Variants in EYA3 observed in about 807,000 individuals in gnomAD.
The protein encoded by EYA3 is protein phosphatase EYA3.
A neutral mutation model predicts 80.0 loss-of-function variants in EYA3; 39 were observed. The observed-to-expected ratio is 0.49, with a 90% CI of 0.38 to 0.64. The LOEUF is 0.64. Ranked by LOEUF, EYA3 falls within the 30% of genes least tolerant of loss-of-function variation. EYA3 has a pLI of 0.00. For synonymous variants in EYA3, 206 were observed against 232.8 expected, an observed-to-expected ratio of 0.88 and a Z score of 1.05; for missense variants, 523 against 676.1, an observed-to-expected ratio of 0.77 and a Z score of 2.51.
intron 1 of EYA3, among the ~76,000 whole-genome samples, chr1:28,081,785 A>T (rs58192207): frequency 0.068 from 10,371 of 152,236 alleles, 624 homozygotes; most frequent in East Asian, 0.25. Context: ...ATTCTAATGT[A>T]TTCCCGTAGT....
chr1:28,071,754 A>G (rs1193739231), intron 1 of EYA3, among the ~76,000 whole-genome samples: 47 of 152,168 alleles, frequency 3.1e-4, no homozygotes, highest in Admixed American at 3.1e-3. Context: ...AAGAAATCAT[A>G]ATTACTTTTG....
chr1:28,088,106 G>C (rs1645735137), intron 1 of EYA3, among the ~76,000 whole-genome samples: 1 of 151,978 alleles, frequency 6.6e-6, no homozygotes, highest in South Asian at 2.1e-4. Flanking sequence ...AGTTTCTCGT[G>C]GTGAAGAGTG....
chr1:28,023,390 T>C (rs1642577939), intron 7 of EYA3, among the ~76,000 whole-genome samples: 1 of 152,056 alleles, frequency 6.6e-6, no homozygotes, highest in Non-Finnish European at 1.5e-5. Flanking sequence ...ATCTAAAGAA[T>C]ACAGTACAGA....
chr1:27,982,421 C>A (rs1349241886), intron 16 of EYA3, among the ~76,000 whole-genome samples: 2 of 150,328 alleles, frequency 1.3e-5, no homozygotes, highest in Non-Finnish European at 2.9e-5. Context: ...CCTGGGATGA[C>A]AGGCGTGAGC....
intron 7 of EYA3, among the ~76,000 whole-genome samples, chr1:28,017,987 G>A (rs759229924): frequency 8.5e-5 from 13 of 152,058 alleles, no homozygotes; most frequent in Non-Finnish European, 1.3e-4. Flanking sequence ...TTGAGGCCAG[G>A]AGTTTGAGAC....
chr1:28,060,770 C>T (rs1644591820), intron 1 of EYA3, among the ~76,000 whole-genome samples: 2 of 152,190 alleles, frequency 1.3e-5, no homozygotes, highest in African/African-American at 2.4e-5. Context: ...AATCCCAGCA[C>T]TTTGGGACGC....
At position 28,071,065 on chromosome 1, in the gene EYA3, G is replaced by A. The variant is rs111569236; in HGVS notation, c.-68-12971C>T. ...AGCCTCAGGAGTAGCCGGGATTACA[G>A]GCGCCTACCACCACGCCCAGATAAT... On this transcript the variant is annotated intron_variant, in intron 1 of 17. Coordinates refer to ENST00000373871, the MANE Select transcript of EYA3 (RefSeq NM_001990.4). 7.7e-3 allele frequency among the ~76,000 whole-genome samples: 1,170 copies of A among 152,260 alleles called. 10 individuals carry two copies. The highest frequency in any genetic ancestry group is 0.051 in the Middle Eastern group (15 of 294).
chr1:28,011,634 C>A (rs1329075534), intron 9 of EYA3, among the ~76,000 whole-genome samples: 1 of 152,206 alleles, frequency 6.6e-6, no homozygotes, highest in South Asian at 2.1e-4. Context: ...TGTTAAACCA[C>A]CTTATGAGGA....
At chr1:28,032,196 A>T in intron 6 of EYA3, 1 of 152,218 alleles carries the variant, frequency 6.6e-6, no homozygotes, top group Non-Finnish European at 1.5e-5. Flanking sequence ...ACATATTTTT[A>T]AAAATACTAA....
At chr1:28,025,776 T>G (rs1642745583) in intron 7 of EYA3, among the ~76,000 whole-genome samples, 1 of 152,256 alleles carries the variant, frequency 6.6e-6, no homozygotes, top group African/African-American at 2.4e-5. Context: ...ATTTATTTTT[T>G]TGAGACAGAG....
intron 9 of EYA3, among the ~76,000 whole-genome samples, chr1:28,012,201 TA>T (rs1641740934): frequency 6.6e-6 from 1 of 152,196 alleles, no homozygotes; most frequent in Admixed American, 6.5e-5. Context: ...GAATGATGGA[TA>T]TGTAAGTGTT....
intron 17 of EYA3, among the ~76,000 whole-genome samples, chr1:27,977,984 T>C (rs1261762704): frequency 6.6e-6 from 1 of 152,092 alleles, no homozygotes; most frequent in Admixed American, 6.6e-5. Flanking sequence ...GAAACAGCTA[T>C]TGGTTGTACT....
At chr1:27,989,532 A>T (rs572817012) in intron 15 of EYA3, among the ~76,000 whole-genome samples, 165 bp downstream of exon 15, 1 of 152,330 alleles carries the variant, frequency 6.6e-6, no homozygotes, top group Non-Finnish European at 1.5e-5. Context: ...TTGTGCTGTT[A>T]ACATAAAATG....
At position 27,973,851 on chromosome 1, in the gene EYA3, A is replaced by G. The variant is rs1159245922; in HGVS notation, c.*615T>C. Reference sequence around the variant, plus strand: ...TTGCTAGAAAAAGAAAGTGGGGGAAACCTGCGTCAAAGATCAGACCCTTAC... The same window carrying G: ...TTGCTAGAAAAAGAAAGTGGGGGAAGCCTGCGTCAAAGATCAGACCCTTAC... On this transcript the variant is annotated 3_prime_UTR_variant, in exon 18 of 18. Coordinates refer to ENST00000373871, the MANE Select transcript of EYA3 (RefSeq NM_001990.4). 1 of 152,196 alleles carries G rather than the reference A, an allele frequency of 6.6e-6. No individual in the cohort carries two copies. Among genetic ancestry groups the G allele is most frequent in the Non-Finnish European group, 1.5e-5 (1 of 68,034 alleles). 9.4% of individuals were successfully genotyped at this position (152,196 alleles called of 1,614,324 possible). A position where few individuals can be genotyped will look rare whatever the true frequency, so the allele number is the denominator to read the frequency against.
chr1:28,046,857 T>TC (rs1553152491), intron 3 of EYA3, among the ~76,000 whole-genome samples: 2 of 151,320 alleles, frequency 1.3e-5, no homozygotes, highest in African/African-American at 4.9e-5. Context: ...TTTTTTTTTT[T>TC]AAATGAGACA....
chr1:28,023,177 AAAAT>A (rs1642563782), intron 7 of EYA3, among the ~76,000 whole-genome samples: 1 of 152,196 alleles, frequency 6.6e-6, no homozygotes, highest in Non-Finnish European at 1.5e-5. Context: ...AAACTGGAAC[AAAAT>A]AAATAAAGTA....
intron 16 of EYA3, among the ~76,000 whole-genome samples, chr1:27,983,013 G>A (rs998687377): frequency 3.3e-5 from 5 of 152,132 alleles, no homozygotes; most frequent in Admixed American, 2.6e-4. Flanking sequence ...TGATAAGCAA[G>A]TGTGCATCAA....
chr1:28,006,800 A>C (rs1460673138), intron 10 of EYA3, among the ~76,000 whole-genome samples: 1 of 152,166 alleles, frequency 6.6e-6, no homozygotes, highest in African/African-American at 2.4e-5. Context: ...TCCTGAGACA[A>C]GGATGTCTGT....
At chr1:27,978,532 G>A in intron 16 of EYA3, 58 bp from the exon 17 acceptor site, 1 of 1,423,808 alleles carries the variant, frequency 7.0e-7, no homozygotes, top group Non-Finnish European at 9.9e-7. Flanking sequence ...CAAAACCAAA[G>A]AAGAGGGCTG....
Sources: gnomAD v4.1 joint callset for allele counts (sites outside exome capture counted in the v4.1 genomes callset) on GRCh38, gnomAD v4.1.1 for gene constraint, MANE v1.5 for transcripts, NCBI Gene and HGNC (gene_info 2026-07-23, HGNC 2026-07-21) for gene names.